KMT5B: variants seen among roughly 807,000 people sequenced by gnomAD.
KMT5B encodes the protein histone-lysine N-methyltransferase KMT5B.
Under a neutral mutation model 83.2 loss-of-function variants are expected in KMT5B, and 10 were observed. That is an observed-to-expected ratio of 0.12 (90% CI 0.07 to 0.20). The LOEUF (loss-of-function observed/expected upper bound fraction) is 0.20. KMT5B is among the 10% of genes least tolerant of loss of function. KMT5B has a pLI of 1.00. For synonymous variants in KMT5B, 349 were observed against 388.8 expected (o/e 0.90, Z 1.20); for missense variants, 753 against 1,067.2 (o/e 0.71, Z 4.10).
chr11:68,177,209 C>G (rs1409153487), intron 4 of KMT5B, among the ~76,000 whole-genome samples: 1 of 152,158 alleles, frequency 6.6e-6, no homozygotes, highest in African/African-American at 2.4e-5. Flanking sequence ...AACAGTTAAG[C>G]AAGTGATCAA....
chr11:68,172,779 G>C (rs1266124292), intron 6 of KMT5B, among the ~76,000 whole-genome samples: 2 of 151,990 alleles, frequency 1.3e-5, no homozygotes, highest in Non-Finnish European at 2.9e-5. Flanking sequence ...AATCCAACTA[G>C]CAGGCTCAAT....
At chr11:68,179,601 C>G (rs1362876598) in intron 4 of KMT5B, 1 of 1,300,418 alleles carries the variant, frequency 7.7e-7, no homozygotes, top group Non-Finnish European at 1.0e-6. Context: ...CATTAGCATG[C>G]ACAATCAAGA....
intron 4 of KMT5B, among the ~76,000 whole-genome samples, chr11:68,179,272 T>G (rs1856687168): frequency 6.6e-6 from 1 of 152,188 alleles, no homozygotes; most frequent in Admixed American, 6.5e-5. Context: ...AACAGTTATT[T>G]GGCATTTCCA....
intron 1 of KMT5B, among the ~76,000 whole-genome samples, chr11:68,197,139 T>C (rs1227570426): frequency 6.6e-6 from 1 of 151,814 alleles, no homozygotes; most frequent in African/African-American, 2.4e-5. Flanking sequence ...CCTGGCTAAT[T>C]TTTTTTTGCT....
intron 2 of KMT5B, among the ~76,000 whole-genome samples, chr11:68,187,067 G>C (rs1216419018): frequency 6.6e-6 from 1 of 151,870 alleles, no homozygotes; most frequent in Non-Finnish European, 1.5e-5. Flanking sequence ...CATGATCACA[G>C]CTCACCGCAG....
At chr11:68,198,681 C>T (rs1425609808) in intron 1 of KMT5B, among the ~76,000 whole-genome samples, 1 of 152,196 alleles carries the variant, frequency 6.6e-6, no homozygotes, top group Non-Finnish European at 1.5e-5. Context: ...GTAAAAATTG[C>T]CTCAATTTTG....
intron 1 of KMT5B, among the ~76,000 whole-genome samples, chr11:68,209,910 A>T (rs1157293622): frequency 6.7e-6 from 1 of 148,502 alleles, no homozygotes; most frequent in Non-Finnish European, 1.5e-5. Flanking sequence ...TCTGTCGCCC[A>T]GGCTGGAGTG....
chr11:68,185,476 G>A (rs915344803), intron 3 of KMT5B, among the ~76,000 whole-genome samples: 1 of 152,158 alleles, frequency 6.6e-6, no homozygotes, highest in Non-Finnish European at 1.5e-5. Flanking sequence ...CCAAAGTGTG[G>A]GGATTACAGG....
intron 1 of KMT5B, 105 bp downstream of exon 1, chr11:68,213,033 C>A (rs1378378713): frequency 2.5e-5 from 3 of 119,008 alleles, no homozygotes; most frequent in Non-Finnish European, 5.3e-5. Context: ...GGCCCCGGAG[C>A]CCTGCGACCG....
At chr11:68,199,126 C>G (rs1219678984) in intron 1 of KMT5B, among the ~76,000 whole-genome samples, 1 of 151,974 alleles carries the variant, frequency 6.6e-6, no homozygotes, top group Non-Finnish European at 1.5e-5. Context: ...TTCTGATTTC[C>G]CAATATAAAA....
intron 1 of KMT5B, among the ~76,000 whole-genome samples, chr11:68,198,440 G>T (rs1437397880): frequency 9.5e-4 from 1 of 1,054 alleles, no homozygotes; most frequent in East Asian, 0.026. Context: ...AAGGAAAAAA[G>T]ACAAGACAAG....
At chr11:68,159,856 G>A (rs1299748939) in intron 10 of KMT5B, among the ~76,000 whole-genome samples, 1 of 152,236 alleles carries the variant, frequency 6.6e-6, no homozygotes, top group Admixed American at 6.5e-5. Context: ...AGCTTACTCA[G>A]CCCCATCCCT....
intron 1 of KMT5B, among the ~76,000 whole-genome samples, chr11:68,208,507 G>C (rs1412824834): frequency 1.3e-5 from 2 of 152,060 alleles, no homozygotes; most frequent in East Asian, 3.9e-4. Context: ...TAAAACTCTA[G>C]AGCAAAATAG....
At chr11:68,210,232 C>T (rs1480741930) in intron 1 of KMT5B, among the ~76,000 whole-genome samples, 1 of 147,018 alleles carries the variant, frequency 6.8e-6, no homozygotes, top group Non-Finnish European at 1.5e-5. Context: ...TCATACAGGC[C>T]CCCAATCAAG....
chr11:68,193,696 A>G (rs1858363348), intron 1 of KMT5B, among the ~76,000 whole-genome samples: 3 of 151,998 alleles, frequency 2.0e-5, no homozygotes, highest in Admixed American at 6.5e-5. Context: ...TAAGCTAAGG[A>G]TTTTTCAATT....
intron 10 of KMT5B, among the ~76,000 whole-genome samples, chr11:68,160,723 C>G (rs1854783350): frequency 6.6e-6 from 1 of 152,124 alleles, no homozygotes; most frequent in African/African-American, 2.4e-5. Flanking sequence ...ATAGAAGGCT[C>G]TGCACCTGAG....
intron 10 of KMT5B, among the ~76,000 whole-genome samples, chr11:68,161,206 T>A (rs899179490): frequency 6.6e-6 from 1 of 152,132 alleles, no homozygotes; most frequent in Non-Finnish European, 1.5e-5. Context: ...AATTTTTTTT[T>A]AATAAGAAAT....
intron 10 of KMT5B, chr11:68,165,681 T>A: frequency 2.3e-6 from 3 of 1,314,992 alleles, no homozygotes; most frequent in Non-Finnish European, 2.9e-6. Flanking sequence ...TTCACAAGTC[T>A]CCAGTTTCAC....
chr11:68,191,173 T>TGTGTGTGTGTGTG (rs1858004569), intron 1 of KMT5B, among the ~76,000 whole-genome samples: 6 of 139,282 alleles, frequency 4.3e-5, no homozygotes, highest in Admixed American at 1.5e-4. Flanking sequence ...TTTTAAAACT[T>TGTGTGTGTGTGTG]TGTGTGTGTG....
Sources: gnomAD v4.1 joint callset for allele counts (sites outside exome capture counted in the v4.1 genomes callset) on GRCh38, gnomAD v4.1.1 for gene constraint, MANE v1.5 for transcripts, NCBI Gene and HGNC (gene_info 2026-07-23, HGNC 2026-07-21) for gene names.